MAPK14: variants seen among roughly 807,000 people sequenced by gnomAD.
MAPK14 encodes CSAID-binding protein.
Under a neutral mutation model 49.6 loss-of-function variants are expected in MAPK14, and 16 were observed. That is an observed-to-expected ratio of 0.32 (90% CI 0.22 to 0.49). The LOEUF (loss-of-function observed/expected upper bound fraction) is 0.49. Among genes scored for constraint, MAPK14 ranks in the 20% least tolerant of loss-of-function variants. The pLI is 0.99. For synonymous variants in MAPK14, 142 were observed against 158.0 expected (o/e 0.90, Z 0.76); for missense variants, 200 against 441.2 (o/e 0.45, Z 4.90).
downstream of MAPK14, among the ~76,000 whole-genome samples, chr6:36,112,010 TC>T (rs770216539): frequency 4.6e-5 from 7 of 152,086 alleles, no homozygotes; most frequent in African/African-American, 7.2e-5. Context: ...ATCGAGACCA[TC>T]CTGGCTAACA....
intron 10 of MAPK14, among the ~76,000 whole-genome samples, chr6:36,106,681 A>C (rs1229240029): frequency 1.3e-5 from 2 of 152,178 alleles, no homozygotes; most frequent in African/African-American, 2.4e-5. Context: ...AAATATAAAA[A>C]TGTTAATTGT....
intron 1 of MAPK14, among the ~76,000 whole-genome samples, chr6:36,038,890 TCTTA>T (rs1035372434): frequency 4.6e-5 from 7 of 152,232 alleles, no homozygotes; most frequent in African/African-American, 7.2e-5. Flanking sequence ...TTAGGGTTTT[TCTTA>T]CTTTTGGATC....
intron 8 of MAPK14, chr6:36,092,728 G>A: frequency 3.5e-6 from 1 of 286,860 alleles, no homozygotes; most frequent in Non-Finnish European, 6.9e-6. Context: ...GAGGACAAAA[G>A]AACTACTGGA....
At position 36,107,103 on chromosome 6, in the gene MAPK14, G is replaced by A. The variant is rs1765819203; in HGVS notation, c.842-352G>A. ...AAAATACAAAATACAGGAGGAGGGT[G>A]AGGGTTGAGAGATAACCTATCGGGT... On this transcript the variant is annotated intron_variant, in intron 10 of 11. Coordinates refer to ENST00000229794, the MANE Select transcript of MAPK14 (RefSeq NM_139012.3). The surrounding 1 kb of genome is among the most constrained non-coding windows in gnomAD (Gnocchi z 4.3). Among the ~76,000 whole-genome samples the A allele has an allele frequency of 6.6e-6, 1 of 152,176 alleles. No individual in the cohort carries two copies. Among genetic ancestry groups the A allele is most frequent in the Non-Finnish European group, 1.5e-5 (1 of 68,030 alleles).
chr6:36,064,064 T>TTGTGTGTG (rs112138637), intron 3 of MAPK14, among the ~76,000 whole-genome samples: 2,717 of 149,590 alleles, frequency 0.018, 53 homozygotes, highest in African/African-American at 0.05. Context: ...TGCCTTTTCT[T>TTGTGTGTG]TGTGTGTGTG....
At position 36,052,693 on chromosome 6, in the gene MAPK14, C is replaced by A; in HGVS notation, c.117-6C>A. The A allele has an allele frequency of 6.3e-7, 1 of 1,592,862 alleles. No individual in the cohort carries two copies. Among genetic ancestry groups the A allele is most frequent in the Non-Finnish European group, 8.5e-7 (1 of 1,171,978 alleles). ...ATGGTGGGTTTTTTCCCTTTTTTCTCCTTAGTGCTGCTTTTGACACAAAAA... is the reference window on the plus strand; with the variant it reads ...ATGGTGGGTTTTTTCCCTTTTTTCTACTTAGTGCTGCTTTTGACACAAAAA... On this transcript the variant is annotated splice_polypyrimidine_tract_variant and splice_region_variant and intron_variant, in intron 1 of 11. Transcript: ENST00000229794.
At chr6:36,050,721 C>G (rs1350180964) in intron 1 of MAPK14, among the ~76,000 whole-genome samples, 1 of 152,096 alleles carries the variant, frequency 6.6e-6, no homozygotes, top group Admixed American at 6.5e-5. Flanking sequence ...AAGTAATGGT[C>G]CTGAAGTGGT....
In MAPK14 at chr6:36,075,941, T is replaced by C; in HGVS notation, c.589T>C (p.Trp197Arg). 1 of 1,614,134 alleles carries C rather than the reference T, an allele frequency of 6.2e-7. No individual in the cohort carries two copies. The highest frequency in any genetic ancestry group is 8.5e-7 in the Non-Finnish European group (1 of 1,180,016). The stretch of plus-strand genomic sequence containing the variant: ...CAGGGCTCCTGAGATCATGCTGAAC[T>C]GGATGCATTACAACCAGACAGGTAT... ...WYRAPEIMLN[W>R]MHYNQTVDIW... Residue 197 changes from tryptophan to arginine, a missense_variant, in exon 7 of 12, where the codon TGG becomes CGG. Around this residue, in one of 2 missense-constraint regions of MAPK14, gnomAD observed 170 missense variants for 407.0 expected, o/e 0.42. Coordinates refer to ENST00000229794, the MANE Select transcript of MAPK14 (RefSeq NM_139012.3).
chr6:36,036,134 G>T (rs1223129943), intron 1 of MAPK14, among the ~76,000 whole-genome samples: 1 of 151,856 alleles, frequency 6.6e-6, no homozygotes, highest in African/African-American at 2.4e-5. Flanking sequence ...TGCTTGGGAG[G>T]CTGAGGCAGG....
intron 1 of MAPK14, among the ~76,000 whole-genome samples, chr6:36,039,995 CA>C (rs535039133): frequency 0.24 from 19,451 of 81,576 alleles, 1,358 homozygotes; most frequent in African/African-American, 0.36. Flanking sequence ...GACTCAGTCT[CA>C]AAAAAAAAAA....
chr6:36,049,178 T>C (rs998899358), intron 1 of MAPK14, among the ~76,000 whole-genome samples: 2 of 152,200 alleles, frequency 1.3e-5, no homozygotes, highest in Admixed American at 6.5e-5. Context: ...TGGAATTGGA[T>C]TGAGGAAAGA....
intron 7 of MAPK14, 137 bp downstream of exon 7, chr6:36,076,099 A>G: frequency 2.3e-6 from 2 of 878,462 alleles, no homozygotes; most frequent in East Asian, 2.7e-5. Context: ...CCTGCAAGTA[A>G]AAATATTTCA....
intron 1 of MAPK14, among the ~76,000 whole-genome samples, chr6:36,039,995 CAA>C (rs535039133): frequency 4.7e-4 from 38 of 81,634 alleles, no homozygotes; most frequent in Middle Eastern, 8.5e-3. Context: ...GACTCAGTCT[CAA>C]AAAAAAAAAA....
intron 1 of MAPK14, among the ~76,000 whole-genome samples, chr6:36,046,746 C>T (rs1293966562): frequency 2.6e-5 from 4 of 152,148 alleles, no homozygotes; most frequent in South Asian, 2.1e-4. Context: ...TGAATAGATT[C>T]AGGAGTCAAA....
rs1762935902 is a variant in MAPK14, at chr6:36,040,859, G to A, written c.117-11840G>A. Among the ~76,000 whole-genome samples, 3 of 152,130 alleles carry A rather than the reference G, an allele frequency of 2.0e-5. No homozygotes were observed. The South Asian group carries it at 6.2e-4, about 32-fold the overall frequency. ...TTCAAACTCCTAGAAATAAAATGCT[G>A]TTTAGAAGACCACAAAGAGAGCTGC... On this transcript the variant is annotated intron_variant, in intron 1 of 11. Coordinates refer to ENST00000229794, the MANE Select transcript of MAPK14 (RefSeq NM_139012.3).
At chr6:36,054,607 C>CT (rs1763525155) in intron 2 of MAPK14, among the ~76,000 whole-genome samples, 1 of 152,104 alleles carries the variant, frequency 6.6e-6, no homozygotes, top group African/African-American at 2.4e-5. Flanking sequence ...TCATAGTTCT[C>CT]TATTCCATTG....
At chr6:36,061,941 G>GA (rs969410759) in intron 3 of MAPK14, among the ~76,000 whole-genome samples, 2 of 152,158 alleles carry the variant, frequency 1.3e-5, no homozygotes, top group African/African-American at 2.4e-5. Context: ...TCATATCACT[G>GA]AAAAAATCAC....
rs1349544619 is a variant in MAPK14 at position 36,108,688 on chromosome 6, C to G, written c.*241C>G. ...ACTTTACAGGAGGTTGTGGATGCTCCAGGGCAGCCTCCACCTTGCTCTTCT... is the reference window on the plus strand; with the variant it reads ...ACTTTACAGGAGGTTGTGGATGCTCGAGGGCAGCCTCCACCTTGCTCTTCT... On this transcript the variant is annotated 3_prime_UTR_variant, in exon 12 of 12. Transcript: ENST00000229794. The G allele has an allele frequency of 2.0e-6, 1 of 506,922 alleles. No homozygotes were observed. 31.4% of individuals were successfully genotyped at this position (506,922 alleles called of 1,614,324 possible). A position where few individuals can be genotyped will look rare whatever the true frequency, so the allele number is the denominator to read the frequency against.
intron 1 of MAPK14, among the ~76,000 whole-genome samples, chr6:36,049,051 A>C (rs1364465290): frequency 6.6e-6 from 1 of 152,196 alleles, no homozygotes; most frequent in African/African-American, 2.4e-5. Flanking sequence ...GGAAGTGTTG[A>C]TATAGACTCC....
Sources: allele counts gnomAD v4.1 joint callset (sites outside exome capture counted in the v4.1 genomes callset), GRCh38; gene constraint gnomAD v4.1.1; regional missense constraint gnomAD v4.1.1; non-coding constraint Gnocchi (gnomAD v3.1); transcripts MANE v1.5; gene names NCBI Gene and HGNC (gene_info 2026-07-23, HGNC 2026-07-21).